Variants in CPNE5 observed in about 807,000 individuals in gnomAD.
The protein encoded by CPNE5 is copine 5.
A neutral mutation model predicts 81.1 loss-of-function variants in CPNE5; 42 were observed. The ratio of observed to expected loss-of-function variants is 0.52; its 90% confidence interval spans 0.40 to 0.67. The LOEUF is 0.67. Ranked by LOEUF, CPNE5 falls within the 30% of genes least tolerant of loss-of-function variation. CPNE5 has a pLI of 0.00. For synonymous variants in CPNE5, 313 were observed against 321.5 expected, an observed-to-expected ratio of 0.97 and a Z score of 0.28; for missense variants, 612 against 815.5, an observed-to-expected ratio of 0.75 and a Z score of 3.04.
rs547899991 is a variant in CPNE5 at position 36,745,293 on chromosome 6, G to A, written c.1328+95C>T. ...TCAGGGCTCCCTGAAAGGCAAGTGC[G>A]TGGGAAGAGAAACCCCCTCCCACCA... On this transcript the variant is annotated intron_variant, in intron 17 of 20. Transcript: ENST00000244751. 8.1e-6 allele frequency: 12 copies of A among 1,484,898 alleles called. No homozygotes were observed. In the East Asian group the frequency reaches 1.2e-4, roughly 14 times the overall value. 92.0% of individuals were successfully genotyped at this position (1,484,898 alleles called of 1,614,324 possible). A position where few individuals can be genotyped will look rare whatever the true frequency, so the allele number is the denominator to read the frequency against.
In CPNE5 at chr6:36,775,794, T is replaced by C. The variant is rs145707107; in HGVS notation, c.633-729A>G. 2.3e-4 allele frequency among the ~76,000 whole-genome samples: 35 copies of C among 152,326 alleles called. 1 individual carries two copies. The highest frequency in any genetic ancestry group is 8.4e-4 in the African/African-American group (35 of 41,562). On this transcript the variant is annotated intron_variant, in intron 9 of 20. Transcript: ENST00000244751. ...TTCTGCTCATGGTCTGTCACTAAAA[T>C]GTAAGTTTCATAAAAGCAAGGATTT...
At chr6:36,786,030 A>T (rs2150490088) in intron 8 of CPNE5, among the ~76,000 whole-genome samples, 1 of 152,024 alleles carries the variant, frequency 6.6e-6, no homozygotes. Context: ...AAAAAAAAAA[A>T]AAAAATTTAA....
chr6:36,763,362 G>T (rs776134422), intron 11 of CPNE5, among the ~76,000 whole-genome samples: 58 of 152,170 alleles, frequency 3.8e-4, no homozygotes, highest in Non-Finnish European at 6.8e-4. Context: ...CAGCACTTTG[G>T]GAGGCCAAGG....
intron 8 of CPNE5, among the ~76,000 whole-genome samples, chr6:36,783,867 T>C (rs1049910270): frequency 6.6e-6 from 1 of 152,188 alleles, no homozygotes; most frequent in Non-Finnish European, 1.5e-5. Flanking sequence ...TTAACACCCT[T>C]GCTTAAAGTC....
intron 7 of CPNE5, among the ~76,000 whole-genome samples, chr6:36,793,479 C>T (rs761760756): frequency 5.3e-5 from 8 of 152,168 alleles, no homozygotes; most frequent in African/African-American, 1.4e-4. Flanking sequence ...GAATCCTCCA[C>T]GCCAGCCTCC....
intron 8 of CPNE5, among the ~76,000 whole-genome samples, chr6:36,782,925 C>T (rs1208128308): frequency 6.6e-6 from 1 of 151,846 alleles, no homozygotes; most frequent in Non-Finnish European, 1.5e-5. Flanking sequence ...CTGCCACCTC[C>T]CGGCTGAGCA....
chr6:36,796,066 A>G (rs1043860041), intron 6 of CPNE5, among the ~76,000 whole-genome samples: 8 of 152,300 alleles, frequency 5.3e-5, no homozygotes, highest in African/African-American at 1.9e-4. Flanking sequence ...CTCCTGCCTC[A>G]GCCTCCCTAG....
intron 9 of CPNE5, 41 bp downstream of exon 9, chr6:36,778,813 G>T: frequency 7.3e-7 from 1 of 1,369,726 alleles, no homozygotes; most frequent in Non-Finnish European, 1.0e-6. Flanking sequence ...CCCCAGAAGG[G>T]ACGAGAAGGT....
chr6:36,820,405 G>A (rs1485007029), intron 3 of CPNE5, among the ~76,000 whole-genome samples: 1 of 139,178 alleles, frequency 7.2e-6, no homozygotes, highest in Non-Finnish European at 1.5e-5. Context: ...GCAGTGGTAC[G>A]ATCTCGGCTC....
intron 10 of CPNE5, among the ~76,000 whole-genome samples, chr6:36,768,911 TC>T (rs1226082343): frequency 6.6e-6 from 1 of 152,112 alleles, no homozygotes; most frequent in Non-Finnish European, 1.5e-5. Flanking sequence ...CCTCAGACAC[TC>T]CCCTCCTTTC....
rs1752873847 is a variant in CPNE5, at chr6:36,766,540, C to A, written c.738-1164G>T. On this transcript the variant is annotated intron_variant, in intron 10 of 20. Transcript: ENST00000244751. The surrounding 1 kb of genome is among the most constrained non-coding windows in gnomAD (Gnocchi z 4.2). ...TTAGATTCTTGTGAAAAACAAAAAA[C>A]CATGTCTCTCTGAGGTGAATTATTG... 6.6e-6 allele frequency among the ~76,000 whole-genome samples: 1 copy of A among 152,154 alleles called. No homozygotes were observed. Among genetic ancestry groups the A allele is most frequent in the Non-Finnish European group, 1.5e-5 (1 of 68,028 alleles).
intron 10 of CPNE5, among the ~76,000 whole-genome samples, chr6:36,774,683 AGT>A (rs761090996): frequency 6.6e-5 from 10 of 152,116 alleles, no homozygotes; most frequent in East Asian, 1.9e-4. Context: ...GTTTCCCACC[AGT>A]GGGGATGCCA....
At chr6:36,777,760 C>CA (rs1427329096) in intron 9 of CPNE5, among the ~76,000 whole-genome samples, 12 of 34,436 alleles carry the variant, frequency 3.5e-4, no homozygotes, top group Non-Finnish European at 4.3e-4. Flanking sequence ...CCTACCCCCC[C>CA]CCCCACCACA....
intron 1 of CPNE5, among the ~76,000 whole-genome samples, chr6:36,832,913 G>A (rs561046840): frequency 2.0e-5 from 3 of 152,244 alleles, no homozygotes; most frequent in South Asian, 4.2e-4. Flanking sequence ...ACTACCGTGC[G>A]GTCTGGATGG....
chr6:36,756,141 T>C, intron 13 of CPNE5, 104 bp downstream of exon 13: 4 of 521,952 alleles, frequency 7.7e-6, no homozygotes, highest in South Asian at 5.6e-5. Context: ...ATTCCCACGC[T>C]CAGCCCCTGC....
chr6:36,811,375 CT>C (rs1771088684), intron 3 of CPNE5, among the ~76,000 whole-genome samples: 1 of 152,246 alleles, frequency 6.6e-6, no homozygotes, highest in Non-Finnish European at 1.5e-5. Context: ...TTACTTAGGG[CT>C]TCTTATAAGA....
intron 14 of CPNE5, among the ~76,000 whole-genome samples, chr6:36,750,422 C>T (rs1028426643): frequency 1.3e-5 from 2 of 152,188 alleles, no homozygotes; most frequent in African/African-American, 2.4e-5. Context: ...CAGTCATCCC[C>T]ACCTCTTTCT....
chr6:36,817,617 C>T (rs866664034), intron 3 of CPNE5, among the ~76,000 whole-genome samples: 7 of 152,134 alleles, frequency 4.6e-5, no homozygotes, highest in Admixed American at 6.5e-5. Context: ...GCTGGACAGC[C>T]CCCGTTGGCC....
chr6:36,765,764 C>T (rs566909396), intron 10 of CPNE5, among the ~76,000 whole-genome samples: 2 of 151,810 alleles, frequency 1.3e-5, no homozygotes, highest in African/African-American at 2.4e-5. Flanking sequence ...GGATCTCAGG[C>T]CCCGGCAGGG....
Sources: allele counts gnomAD v4.1 joint callset (sites outside exome capture counted in the v4.1 genomes callset), GRCh38; gene constraint gnomAD v4.1.1; non-coding constraint Gnocchi (gnomAD v3.1); transcripts MANE v1.5; gene names NCBI Gene and HGNC (gene_info 2026-07-23, HGNC 2026-07-21).